Variants in ROR1 observed in about 807,000 individuals in gnomAD.
ROR1 encodes the protein inactive tyrosine-protein kinase transmembrane receptor ROR1.
ROR1 carries 19 observed loss-of-function variants against 78.8 expected under a neutral mutation model. The observed-to-expected ratio is 0.24, with a 90% CI of 0.17 to 0.35. The LOEUF is 0.35. Ranked by LOEUF, ROR1 falls within the 10% of genes least tolerant of loss-of-function variation. The probability of loss-of-function intolerance (pLI) is 1.00; values close to 1 mark genes in which losing one functional copy is unlikely to be tolerated. For synonymous variants in ROR1, 386 were observed against 433.6 expected (o/e 0.89, Z 1.36); for missense variants, 917 against 1,177.8 (o/e 0.78, Z 3.24).
intron 1 of ROR1, among the ~76,000 whole-genome samples, chr1:63,857,645 G>GT (rs1180666784): frequency 6.6e-6 from 1 of 152,220 alleles, no homozygotes; most frequent in Non-Finnish European, 1.5e-5. Flanking sequence ...ATAAATAGCT[G>GT]TGAGTCGTTG....
rs184918850 is a variant in ROR1 at position 63,940,392 on chromosome 1, G to A, written c.92-68913G>A. Among the ~76,000 whole-genome samples, 30 of 152,220 alleles carry A rather than the reference G, an allele frequency of 2.0e-4. No homozygotes were observed. The East Asian group carries it at 4.6e-3, about 23-fold the overall frequency. ...CACTTTGAGTGATGGAATAGATAAG[G>A]ACAGCAATGGATTATAAGGCATTGA... is the stretch of plus-strand genomic sequence containing the variant. On this transcript the variant is annotated intron_variant, in intron 1 of 8. Coordinates refer to ENST00000371079, the MANE Select transcript of ROR1 (RefSeq NM_005012.4).
chr1:64,008,961 A>G (rs111894442), intron 1 of ROR1, among the ~76,000 whole-genome samples: 4,528 of 152,242 alleles, frequency 0.03, 249 homozygotes, highest in African/African-American at 0.1. Context: ...CATTCTGACT[A>G]GTATGAGATG....
intron 1 of ROR1, among the ~76,000 whole-genome samples, chr1:63,831,538 G>A (rs1644988933): frequency 1.3e-5 from 2 of 152,186 alleles, no homozygotes; most frequent in Admixed American, 6.5e-5. Context: ...GAACTGGAGT[G>A]GCTGAGACTC....
intron 1 of ROR1, among the ~76,000 whole-genome samples, chr1:63,909,082 T>G (rs1645549320): frequency 6.6e-6 from 1 of 152,178 alleles, no homozygotes; most frequent in South Asian, 2.1e-4. Flanking sequence ...TTTGTGAAGT[T>G]GTGACAGCTT....
At chr1:64,144,497 A>G (rs1319350853) in intron 7 of ROR1, among the ~76,000 whole-genome samples, 2 of 152,246 alleles carry the variant, frequency 1.3e-5, no homozygotes, top group African/African-American at 4.8e-5. Flanking sequence ...GGTCAGGGGC[A>G]GTAGCCTCAG....
chr1:64,132,760 CAAAAAAAAAAAA>C lies in ROR1; in HGVS notation c.483-4596_483-4585del, dbSNP rs749607703. Among the ~76,000 whole-genome samples, 501 of 70,476 alleles carry C rather than the reference CAAAAAAAAAAAA, an allele frequency of 7.1e-3. 9 individuals carry two copies. Among genetic ancestry groups the C allele is most frequent in the African/African-American group, 0.026 (488 of 18,542 alleles). The allele number at this position is 70,476 out of a possible 152,430, so 46.2% of individuals were successfully genotyped here. ...GCGCAATGGGAGCGAGACTCCATCT[CAAAAAAAAAAAA>C]AAAAAAAAAAAAGAGAGAGAGATAG... On this transcript the variant is annotated intron_variant, in intron 4 of 8. Coordinates refer to ENST00000371079, the MANE Select transcript of ROR1 (RefSeq NM_005012.4).
intron 4 of ROR1, among the ~76,000 whole-genome samples, chr1:64,072,850 A>G (rs1387393986): frequency 6.6e-6 from 1 of 152,122 alleles, no homozygotes; most frequent in African/African-American, 2.4e-5. Flanking sequence ...ACAGATCCCA[A>G]CGTCTGGATT....
intron 1 of ROR1, among the ~76,000 whole-genome samples, chr1:63,880,938 C>T (rs1211324158): frequency 3.3e-5 from 5 of 152,116 alleles, no homozygotes; most frequent in South Asian, 2.1e-4. Flanking sequence ...ATGAAAATGA[C>T]GGAGACTGTT....
intron 1 of ROR1, among the ~76,000 whole-genome samples, chr1:64,002,135 T>TC (rs1221296617): frequency 9.1e-5 from 2 of 21,978 alleles, no homozygotes; most frequent in African/African-American, 1.3e-4. Context: ...TTCAACCTTT[T>TC]TTTTTTTTTT....
At position 63,852,566 on chromosome 1, in the gene ROR1, C is replaced by T. The variant is rs532694415; in HGVS notation, c.91+78058C>T. On this transcript the variant is annotated intron_variant, in intron 1 of 8. Transcript: ENST00000371079. ...GTTTTTAGACTCATGCTGAGTTTGT[C>T]CAGATGTGCCAATATTTGTCTTATA... Among the ~76,000 whole-genome samples, 5 of 152,258 alleles carry T rather than the reference C, an allele frequency of 3.3e-5. No homozygotes were observed. In the South Asian group the frequency reaches 6.2e-4, roughly 19 times the overall value.
intron 1 of ROR1, among the ~76,000 whole-genome samples, chr1:63,839,350 A>G (rs1184256513): frequency 8.6e-5 from 1 of 11,616 alleles, no homozygotes; most frequent in African/African-American, 3.5e-4. Context: ...CATATCATCT[A>G]TCTATCTATC....
At chr1:63,945,356 TA>T (rs1426972177) in intron 1 of ROR1, among the ~76,000 whole-genome samples, 10 of 151,722 alleles carry the variant, frequency 6.6e-5, no homozygotes, top group Non-Finnish European at 1.2e-4. Context: ...TTCACTCTAA[TA>T]TTTTTTATTA....
chr1:64,142,257 G>C, intron 6 of ROR1, 148 bp from the exon 7 acceptor site: 1 of 1,302,372 alleles, frequency 7.7e-7, no homozygotes, highest in Non-Finnish European at 1.0e-6. Context: ...AAAGCAGGGA[G>C]ACTGTCCTGC....
intron 1 of ROR1, among the ~76,000 whole-genome samples, chr1:63,923,662 G>A (rs1340301313): frequency 1.3e-5 from 2 of 151,102 alleles, no homozygotes; most frequent in Admixed American, 6.7e-5. Context: ...TCTTCTGCTT[G>A]TACTCCCACT....
At chr1:63,918,686 T>G (rs942669926) in intron 1 of ROR1, among the ~76,000 whole-genome samples, 1 of 152,200 alleles carries the variant, frequency 6.6e-6, no homozygotes, top group African/African-American at 2.4e-5. Context: ...CTCTATATAC[T>G]GTGCCTCCCT....
chr1:64,045,001 T>C (rs1646773049), intron 2 of ROR1, among the ~76,000 whole-genome samples: 1 of 152,154 alleles, frequency 6.6e-6, no homozygotes, highest in South Asian at 2.1e-4. Context: ...AGGCAATGCA[T>C]GATGTTACAA....
At chr1:63,857,869 G>C (rs1490154613) in intron 1 of ROR1, among the ~76,000 whole-genome samples, 1 of 152,142 alleles carries the variant, frequency 6.6e-6, no homozygotes, top group Non-Finnish European at 1.5e-5. Context: ...CTGCACAGTT[G>C]GCATGATGGA....
At chr1:63,800,596 A>G (rs922882527) in intron 1 of ROR1, among the ~76,000 whole-genome samples, 3 of 152,322 alleles carry the variant, frequency 2.0e-5, no homozygotes, top group African/African-American at 7.2e-5. Flanking sequence ...TGAGACAGAC[A>G]ATGATTGGAT....
intron 2 of ROR1, among the ~76,000 whole-genome samples, chr1:64,031,112 C>T (rs1272422822): frequency 2.0e-5 from 3 of 152,176 alleles, no homozygotes; most frequent in Admixed American, 6.5e-5. Flanking sequence ...GAGCAACCCG[C>T]CCGCCTCTGC....
Sources: allele counts gnomAD v4.1 joint callset (sites outside exome capture counted in the v4.1 genomes callset), GRCh38; gene constraint gnomAD v4.1.1; transcripts MANE v1.5; gene names NCBI Gene and HGNC (gene_info 2026-07-23, HGNC 2026-07-21).